Variants in SAMD5 observed in about 807,000 individuals in gnomAD.
SAMD5 encodes sterile alpha motif domain containing 5.
A neutral mutation model predicts 11.3 loss-of-function variants in SAMD5; 13 were observed. The observed-to-expected ratio is 1.15, with a 90% CI of 0.75 to 1.83. SAMD5 has a LOEUF of 1.83. Ranked by LOEUF, SAMD5 falls within the 40% of genes most tolerant of loss-of-function variation. The pLI is 0.00. For synonymous variants in SAMD5, 129 were observed against 111.3 expected (o/e 1.16, Z -1.00); for missense variants, 255 against 239.1 (o/e 1.07, Z -0.44).
intron 1 of SAMD5, among the ~76,000 whole-genome samples, chr6:147,679,998 A>G (rs943578128): frequency 6.6e-6 from 1 of 152,022 alleles, no homozygotes; most frequent in African/African-American, 2.4e-5. Context: ...TATTTTGATT[A>G]CTGCAGATTT....
At chr6:147,948,789 A>G in the SAMD5 span, among the ~76,000 whole-genome samples, 3 of 151,940 alleles carry the variant, frequency 2.0e-5, no homozygotes, top group Admixed American at 6.6e-5. Context: ...AAAATGTTTT[A>G]CTTGTGTTTA....
chr6:147,534,065 G>A (rs1300102250), intron 1 of SAMD5, among the ~76,000 whole-genome samples: 2 of 152,126 alleles, frequency 1.3e-5, no homozygotes, highest in Non-Finnish European at 2.9e-5. Flanking sequence ...AGGGCCAGGA[G>A]GGCAGGTCAT....
intron 1 of SAMD5, among the ~76,000 whole-genome samples, chr6:147,723,386 T>C (rs1427618758): frequency 3.9e-5 from 6 of 152,182 alleles, no homozygotes; most frequent in Non-Finnish European, 8.8e-5. Context: ...CCCAAAATCA[T>C]TGGATCTTTG....
At chr6:147,922,746 A>G in the SAMD5 span, among the ~76,000 whole-genome samples, 1 of 152,180 alleles carries the variant, frequency 6.6e-6, no homozygotes, top group South Asian at 2.1e-4. Flanking sequence ...TAATTTCTTC[A>G]GTATTACTCT....
intron 1 of SAMD5, among the ~76,000 whole-genome samples, chr6:147,675,542 A>G (rs1028054647): frequency 2.0e-5 from 3 of 152,160 alleles, no homozygotes; most frequent in African/African-American, 7.2e-5. Flanking sequence ...TTTTTTATGA[A>G]TCATTTTAAC....
chr6:147,883,952 A>G, the SAMD5 span, among the ~76,000 whole-genome samples: 2 of 152,226 alleles, frequency 1.3e-5, no homozygotes, highest in East Asian at 3.9e-4. Flanking sequence ...ATTCAAATTT[A>G]TATAAACCAG....
At chr6:147,618,804 C>T (rs559448627) in intron 1 of SAMD5, among the ~76,000 whole-genome samples, 9 of 152,322 alleles carry the variant, frequency 5.9e-5, no homozygotes, top group South Asian at 2.1e-4. Flanking sequence ...CCCCTTTTTA[C>T]GAAGTCATCT....
chr6:147,846,375 T>C, the SAMD5 span, among the ~76,000 whole-genome samples: 2 of 152,286 alleles, frequency 1.3e-5, no homozygotes, highest in South Asian at 4.1e-4. Context: ...TGAGTACATG[T>C]ATAACTACTG....
chr6:147,886,807 TGAG>T, the SAMD5 span, among the ~76,000 whole-genome samples: 2 of 152,144 alleles, frequency 1.3e-5, no homozygotes, highest in Admixed American at 6.5e-5. Context: ...TGAATGGAAT[TGAG>T]GAGCTGAGGG....
At chr6:147,612,345 G>A in intron 1 of SAMD5, among the ~76,000 whole-genome samples, 1 of 152,070 alleles carries the variant, frequency 6.6e-6, no homozygotes, top group East Asian at 1.9e-4. Flanking sequence ...TAACCTAATG[G>A]CCTAAATCAT....
chr6:147,539,283 G>A (rs1788562098), intron 1 of SAMD5, among the ~76,000 whole-genome samples: 2 of 151,906 alleles, frequency 1.3e-5, no homozygotes, highest in Non-Finnish European at 2.9e-5. Context: ...CCCCTTCACC[G>A]GAGTCTCATC....
chr6:147,796,411 G>A, the SAMD5 span, among the ~76,000 whole-genome samples: 19 of 152,144 alleles, frequency 1.2e-4, no homozygotes, highest in South Asian at 6.2e-4. Context: ...GCTCTGTTCC[G>A]TTCCATTGAT....
chr6:147,531,032 C>A (rs60558695), intron 1 of SAMD5, among the ~76,000 whole-genome samples: 3,132 of 152,258 alleles, frequency 0.021, 70 homozygotes, highest in East Asian at 0.11. Context: ...AAAACATAAA[C>A]CTTTTTCTCT....
chr6:147,705,627 C>T (rs749779707), intron 1 of SAMD5, among the ~76,000 whole-genome samples: 4 of 152,052 alleles, frequency 2.6e-5, no homozygotes, highest in Non-Finnish European at 5.9e-5. Context: ...GAAAACATGC[C>T]AAGGTGCATT....
At chr6:147,668,589 A>C (rs1218437176) in intron 1 of SAMD5, among the ~76,000 whole-genome samples, 1 of 152,164 alleles carries the variant, frequency 6.6e-6, no homozygotes, top group East Asian at 1.9e-4. Context: ...CACACCTGTA[A>C]TCCCAACACT....
chr6:147,579,911 A>G (rs768476765), intron 1 of SAMD5, among the ~76,000 whole-genome samples: 12 of 152,210 alleles, frequency 7.9e-5, no homozygotes, highest in African/African-American at 2.9e-4. Context: ...GCGCTGTTGT[A>G]AATGTTAGAA....
chr6:147,636,787 G>T (rs1790236313), intron 1 of SAMD5, among the ~76,000 whole-genome samples: 1 of 152,160 alleles, frequency 6.6e-6, no homozygotes, highest in African/African-American at 2.4e-5. Flanking sequence ...TACTCAGTTT[G>T]ATCTAAACCC....
chr6:147,650,377 G>C (rs912408090), intron 1 of SAMD5, among the ~76,000 whole-genome samples: 1 of 152,296 alleles, frequency 6.6e-6, no homozygotes, highest in Middle Eastern at 3.4e-3. Context: ...CCTACAGTAA[G>C]TGATTTATGC....
chr6:147,666,914 C>G (rs1583131487), intron 1 of SAMD5, among the ~76,000 whole-genome samples: 2 of 152,182 alleles, frequency 1.3e-5, no homozygotes, highest in South Asian at 4.1e-4. Context: ...GTCAAGCTTT[C>G]TCACCAACTT....
Sources: allele counts gnomAD v4.1 joint callset (sites outside exome capture counted in the v4.1 genomes callset), GRCh38; gene constraint gnomAD v4.1.1; transcripts MANE v1.5; gene names NCBI Gene and HGNC (gene_info 2026-07-23, HGNC 2026-07-21).